FAF1: variants seen among roughly 807,000 people sequenced by gnomAD.
FAF1 encodes Fas associated factor 1, also known as FAS-associated factor 1.
A neutral mutation model predicts 92.5 loss-of-function variants in FAF1; 25 were observed. The observed-to-expected ratio is 0.27, with a 90% CI of 0.20 to 0.38. The LOEUF is 0.38. Among genes scored for constraint, FAF1 ranks in the 10% least tolerant of loss-of-function variants. The pLI, the probability that FAF1 is intolerant of heterozygous loss-of-function variation, is 1.00. For synonymous variants in FAF1, 234 were observed against 273.2 expected, an observed-to-expected ratio of 0.86 and a Z score of 1.42; for missense variants, 636 against 793.3, an observed-to-expected ratio of 0.80 and a Z score of 2.38.
intron 7 of FAF1, among the ~76,000 whole-genome samples, chr1:50,678,160 A>G (rs907840817): frequency 1.3e-5 from 2 of 152,322 alleles, no homozygotes; most frequent in Non-Finnish European, 2.9e-5. Flanking sequence ...TGTGGTTTCA[A>G]TAGAGTACAG....
At chr1:50,597,892 A>G (rs1455710207) in intron 8 of FAF1, among the ~76,000 whole-genome samples, 1 of 152,242 alleles carries the variant, frequency 6.6e-6, no homozygotes, top group African/African-American at 2.4e-5. Context: ...AACTTTTTCT[A>G]TTTAGTAACA....
At chr1:50,534,754 G>A (rs531268108) in intron 15 of FAF1, among the ~76,000 whole-genome samples, 2 of 152,292 alleles carry the variant, frequency 1.3e-5, no homozygotes, top group South Asian at 4.1e-4. Flanking sequence ...ACAGTGCCTA[G>A]CACATGATAA....
intron 2 of FAF1, among the ~76,000 whole-genome samples, chr1:50,837,673 C>A (rs78461690): frequency 0.02 from 3,030 of 151,900 alleles, 99 homozygotes; most frequent in African/African-American, 0.07. Context: ...CAAATACATA[C>A]CCAATCTGGA....
At chr1:50,657,032 G>A (rs1199973161) in intron 7 of FAF1, among the ~76,000 whole-genome samples, 1 of 151,636 alleles carries the variant, frequency 6.6e-6, no homozygotes, top group African/African-American at 2.4e-5. Flanking sequence ...GCAACATAGT[G>A]AGACCACATT....
At chr1:50,525,601 G>A (rs1293380557) in intron 15 of FAF1, among the ~76,000 whole-genome samples, 1 of 152,182 alleles carries the variant, frequency 6.6e-6, no homozygotes, top group Non-Finnish European at 1.5e-5. Context: ...AAAGGCAGCA[G>A]GGAAGTTGGA....
At chr1:50,678,576 T>TA (rs1656260736) in intron 7 of FAF1, among the ~76,000 whole-genome samples, 1 of 151,144 alleles carries the variant, frequency 6.6e-6, no homozygotes, top group Non-Finnish European at 1.5e-5. Context: ...GGTCAGGAGA[T>TA]AGAGACCATC....
intron 8 of FAF1, among the ~76,000 whole-genome samples, chr1:50,645,482 T>C (rs1477964089): frequency 6.6e-6 from 1 of 152,226 alleles, no homozygotes; most frequent in Non-Finnish European, 1.5e-5. Context: ...TGTTTGCAAC[T>C]ATATATCCCT....
At chr1:50,482,036 T>C (rs952613919) in intron 17 of FAF1, among the ~76,000 whole-genome samples, 1 of 152,218 alleles carries the variant, frequency 6.6e-6, no homozygotes, top group South Asian at 2.1e-4. Flanking sequence ...CAGCAAACTC[T>C]ATCCTTTTAA....
chr1:50,737,286 T>TAC (rs1486971023), intron 6 of FAF1, among the ~76,000 whole-genome samples: 1 of 152,214 alleles, frequency 6.6e-6, no homozygotes, highest in Admixed American at 6.5e-5. Context: ...TAAGGTCAGC[T>TAC]ACATGGCAAT....
rs190412965 is a variant in FAF1, at chr1:50,623,866, G to A, written c.745-27650C>T. 2.1e-3 allele frequency among the ~76,000 whole-genome samples: 318 copies of A among 151,994 alleles called. 3 individuals carry two copies. Among genetic ancestry groups the A allele is most frequent in the African/African-American group, 7.6e-3 (314 of 41,470 alleles). ...GCTGAAGTGGGAGCCCAGGAGCCAG[G>A]AGGCAAGGCTGCAGTGAGTTGTGAT... On this transcript the variant is annotated intron_variant, in intron 8 of 18. Coordinates refer to ENST00000396153, the MANE Select transcript of FAF1 (RefSeq NM_007051.3).
At chr1:50,652,708 T>C (rs1045632334) in intron 8 of FAF1, among the ~76,000 whole-genome samples, 1 of 152,216 alleles carries the variant, frequency 6.6e-6, no homozygotes, top group Non-Finnish European at 1.5e-5. Context: ...CTAATCTAAA[T>C]TAGCTCTATC....
At chr1:50,677,649 C>T (rs1656183579) in intron 7 of FAF1, among the ~76,000 whole-genome samples, 1 of 152,074 alleles carries the variant, frequency 6.6e-6, no homozygotes, top group South Asian at 2.1e-4. Context: ...AATCCCAGCA[C>T]TTTGGGAGGC....
chr1:50,598,226 G>A (rs531835185), intron 8 of FAF1, among the ~76,000 whole-genome samples: 4 of 152,110 alleles, frequency 2.6e-5, no homozygotes, highest in Non-Finnish European at 5.9e-5. Flanking sequence ...AGCCCAGGTG[G>A]TTAAGGCTGC....
intron 7 of FAF1, among the ~76,000 whole-genome samples, chr1:50,662,855 C>T (rs532554127): frequency 9.9e-5 from 15 of 151,428 alleles, no homozygotes; most frequent in African/African-American, 3.7e-4. Context: ...CACCCACTAG[C>T]GCGCCCGGCT....
At chr1:50,782,209 G>A (rs1389844165) in intron 4 of FAF1, among the ~76,000 whole-genome samples, 3 of 151,754 alleles carry the variant, frequency 2.0e-5, no homozygotes, top group Non-Finnish European at 2.9e-5. Context: ...CGGTAAAACA[G>A]GCTCAGGCTA....
At chr1:50,679,632 C>T (rs1247137534) in intron 7 of FAF1, among the ~76,000 whole-genome samples, 1 of 152,190 alleles carries the variant, frequency 6.6e-6, no homozygotes, top group South Asian at 2.1e-4. Context: ...ATTTAGAGAT[C>T]ATCTTTCATT....
At chr1:50,624,897 CTTTTTT>C (rs34177866) in intron 8 of FAF1, among the ~76,000 whole-genome samples, 1 of 124,792 alleles carries the variant, frequency 8.0e-6, no homozygotes, top group African/African-American at 3.1e-5. Flanking sequence ...ATCCCACACT[CTTTTTT>C]TTTTTTTTTT....
chr1:50,919,817 C>T (rs1644949137), intron 1 of FAF1, among the ~76,000 whole-genome samples: 1 of 152,050 alleles, frequency 6.6e-6, no homozygotes, highest in Non-Finnish European at 1.5e-5. Flanking sequence ...TAGTATAAAG[C>T]AATTAAGAGG....
chr1:50,468,218 C>T (rs1646523610), intron 18 of FAF1, among the ~76,000 whole-genome samples: 1 of 151,864 alleles, frequency 6.6e-6, no homozygotes, highest in African/African-American at 2.4e-5. Context: ...CAAACAACAA[C>T]AACAACAACA....
Sources: gnomAD v4.1 joint callset for allele counts (sites outside exome capture counted in the v4.1 genomes callset) on GRCh38, gnomAD v4.1.1 for gene constraint, MANE v1.5 for transcripts, NCBI Gene and HGNC (gene_info 2026-07-23, HGNC 2026-07-21) for gene names.